The following CDKN2B-AS1 variants were observed in gnomAD, a reference collection of about 807,000 sequenced individuals.
CDKN2B-AS1 encodes the protein CDKN2B antisense RNA 1 (non-protein coding).
At chr9:22,043,435 C>A (rs766032219) in intron 1 of CDKN2B-AS1, among the ~76,000 whole-genome samples, 6 of 151,844 alleles carry the variant, frequency 4.0e-5, no homozygotes, top group Non-Finnish European at 7.4e-5. Flanking sequence ...GACACACATG[C>A]GCTGTTTTGA....
At chr9:22,102,870 G>A (rs1171247850) in intron 4 of CDKN2B-AS1, among the ~76,000 whole-genome samples, 1 of 152,132 alleles carries the variant, frequency 6.6e-6, no homozygotes, top group Non-Finnish European at 1.5e-5. Context: ...TGCTTTATCA[G>A]CATTAGAAAG....
chr9:22,067,971 T>G, intron 4 of CDKN2B-AS1, among the ~76,000 whole-genome samples: 1 of 152,194 alleles, frequency 6.6e-6, no homozygotes, highest in East Asian at 1.9e-4. Flanking sequence ...ATCAATCTTT[T>G]GTTTTCTGAC....
At chr9:22,092,517 T>C (rs1825127611) in intron 4 of CDKN2B-AS1, 1 of 152,210 alleles carries the variant, frequency 6.6e-6, no homozygotes, top group African/African-American at 2.4e-5. Context: ...TATTGCTTTA[T>C]TCAGAGATTC....
intron 4 of CDKN2B-AS1, among the ~76,000 whole-genome samples, chr9:22,115,934 T>A (rs1419567205): frequency 6.6e-6 from 1 of 152,200 alleles, no homozygotes; most frequent in African/African-American, 2.4e-5. Context: ...CTTGGGACCA[T>A]TTTTTACTCC....
At chr9:22,065,125 T>G (rs943350249) in intron 4 of CDKN2B-AS1, among the ~76,000 whole-genome samples, 1 of 152,194 alleles carries the variant, frequency 6.6e-6, no homozygotes, top group African/African-American at 2.4e-5. Context: ...CTAGTGATTA[T>G]GTAGTTTTGA....
At chr9:22,090,312 G>T (rs1434169549) in intron 4 of CDKN2B-AS1, among the ~76,000 whole-genome samples, 1 of 152,120 alleles carries the variant, frequency 6.6e-6, no homozygotes, top group Non-Finnish European at 1.5e-5. Flanking sequence ...CTTTATAGCA[G>T]CATGATTTAT....
chr9:22,065,888 A>C (rs957219532), intron 4 of CDKN2B-AS1: 2 of 152,150 alleles, frequency 1.3e-5, no homozygotes, highest in African/African-American at 4.8e-5. Flanking sequence ...TTTTCTATTC[A>C]GCATCTTTTT....
intron 4 of CDKN2B-AS1, chr9:22,092,263 G>C (rs931223072): frequency 2.0e-5 from 3 of 152,104 alleles, no homozygotes; most frequent in Non-Finnish European, 4.4e-5. Context: ...TGTTCGTCAG[G>C]GATATTGGTC....
chr9:22,126,574 CT>C (rs34700018), intron 4 of CDKN2B-AS1, among the ~76,000 whole-genome samples: 23 of 104,880 alleles, frequency 2.2e-4, no homozygotes, highest in East Asian at 8.4e-4. Context: ...TAAGTGGATT[CT>C]TTTTTTTTTT....
Position 21,995,772 on chromosome 9 carries a change from G to A in CDKN2B-AS1, n.29+611G>A, listed in dbSNP as rs1255958905. 2 of 152,242 alleles carry A rather than the reference G, an allele frequency of 1.3e-5. No individual in the cohort carries two copies. Among genetic ancestry groups the A allele is most frequent in the African/African-American group, 4.8e-5 (2 of 41,456 alleles). The allele number at this position is 152,242 out of a possible 1,614,324, so 9.4% of individuals were successfully genotyped here. A position where few individuals can be genotyped will look rare whatever the true frequency, so the allele number is the denominator to read the frequency against. ...AGGCTCGGCTCTCGTCCAGGAACTC[G>A]GACGCGGGCTCGCCGGCTCTCCGCG... On this transcript the variant is annotated intron_variant and non_coding_transcript_variant, in intron 1 of 4. Coordinates refer to ENST00000650946, the Ensembl canonical transcript of CDKN2B-AS1. The surrounding 1 kb of genome is among the most constrained non-coding windows in gnomAD (Gnocchi z 5.7).
chr9:22,004,805 G>C (rs1428978019), intron 1 of CDKN2B-AS1: 1 of 232,988 alleles, frequency 4.3e-6, no homozygotes, highest in Non-Finnish European at 8.5e-6. Flanking sequence ...TCTTCTAAAA[G>C]ACATTTGGAA....
At chr9:22,017,514 A>G (rs1429523014) in intron 1 of CDKN2B-AS1, among the ~76,000 whole-genome samples, 1 of 152,138 alleles carries the variant, frequency 6.6e-6, no homozygotes, top group African/African-American at 2.4e-5. Context: ...TTATTTATTT[A>G]TTCATTTTAT....
chr9:22,012,267 C>A, intron 1 of CDKN2B-AS1: 5 of 1,453,708 alleles, frequency 3.4e-6, no homozygotes, highest in South Asian at 1.1e-5. Flanking sequence ...GGTATCCCCC[C>A]TGACAAGCAG....
chr9:22,005,789 AG>A lies in CDKN2B-AS1; in HGVS notation n.29+10631del. Reference sequence around the variant, plus strand: ...GTGTTTCGCTTCATGGTGAGTGTCGAGGGCCAGATAAGACAAAGAAAAAAAT... The same window carrying A: ...GTGTTTCGCTTCATGGTGAGTGTCGAGGCCAGATAAGACAAAGAAAAAAAT... On this transcript the variant is annotated intron_variant and non_coding_transcript_variant, in intron 1 of 4. Coordinates refer to ENST00000650946, the Ensembl canonical transcript of CDKN2B-AS1. The surrounding 1 kb of genome is among the most constrained non-coding windows in gnomAD (Gnocchi z 4.9). The A allele has an allele frequency of 1.5e-6, 1 of 666,946 alleles. No individual in the cohort carries two copies. The highest frequency in any genetic ancestry group is 1.8e-5 in the South Asian group (1 of 55,492). 41.3% of individuals were successfully genotyped at this position (666,946 alleles called of 1,614,324 possible).
Position 21,999,842 on chromosome 9 carries a change from T to C in CDKN2B-AS1, n.29+4681T>C, listed in dbSNP as rs1215592194. Among the ~76,000 whole-genome samples the C allele has an allele frequency of 6.6e-6, 1 of 152,180 alleles. No individual in the cohort carries two copies. Among genetic ancestry groups the C allele is most frequent in the Non-Finnish European group, 1.5e-5 (1 of 68,010 alleles). On this transcript the variant is annotated intron_variant and non_coding_transcript_variant, in intron 1 of 4. Coordinates refer to ENST00000650946, the Ensembl canonical transcript of CDKN2B-AS1. This position sits in a 1 kb window ranked among gnomAD's most constrained non-coding sequence, Gnocchi z 4.7. Reference sequence around the variant, plus strand: ...GACAATGGAAGTTGTCAAAGATCTATTGCTAATTAAAGAAAGCAAGTGACA... The same window carrying C: ...GACAATGGAAGTTGTCAAAGATCTACTGCTAATTAAAGAAAGCAAGTGACA...
rs1825192743 is a variant in CDKN2B-AS1, at chr9:22,094,147, C to T, written n.439-32956C>T. Among the ~76,000 whole-genome samples, 2 of 144,230 alleles carry T rather than the reference C, an allele frequency of 1.4e-5. 1 individual carries two copies. Among genetic ancestry groups the T allele is most frequent in the African/African-American group, 5.8e-5 (2 of 34,486 alleles). 94.6% of individuals were successfully genotyped at this position (144,230 alleles called of 152,430 possible). The stretch of plus-strand genomic sequence containing the variant: ...CTTTAAGAATGTTGAATATTGGCCC[C>T]CACTCTCTTCTGGCTTGTAGAGTTT... On this transcript the variant is annotated intron_variant and non_coding_transcript_variant, in intron 4 of 4. Coordinates refer to ENST00000650946, the Ensembl canonical transcript of CDKN2B-AS1.
chr9:22,097,375 A>G (rs886722354), intron 4 of CDKN2B-AS1: 1 of 152,210 alleles, frequency 6.6e-6, no homozygotes, highest in Admixed American at 6.5e-5. Flanking sequence ...GTGAGTAAAA[A>G]TATCAGAAAA....
intron 4 of CDKN2B-AS1, among the ~76,000 whole-genome samples, chr9:22,121,360 C>G (rs1826098356): frequency 9.1e-6 from 1 of 109,684 alleles, no homozygotes; most frequent in Non-Finnish European, 2.0e-5. Flanking sequence ...AATTTTTATT[C>G]TTTTAAAACT....
chr9:22,047,848 A>G (rs1587454818), intron 2 of CDKN2B-AS1, among the ~76,000 whole-genome samples: 1 of 151,356 alleles, frequency 6.6e-6, no homozygotes, highest in Admixed American at 6.6e-5. Flanking sequence ...ATGCAGTGGC[A>G]CAATCATGGT....
Sources: gnomAD v4.1 joint callset for allele counts (sites outside exome capture counted in the v4.1 genomes callset) on GRCh38, gnomAD v4.1.1 for gene constraint, Gnocchi (gnomAD v3.1) non-coding constraint, MANE v1.5 for transcripts, NCBI Gene and HGNC (gene_info 2026-07-23, HGNC 2026-07-21) for gene names.